CNIH3: variants seen among roughly 807,000 people sequenced by gnomAD.
The protein encoded by CNIH3 is cornichon family AMPA receptor auxiliary protein 3.
A neutral mutation model predicts 24.1 loss-of-function variants in CNIH3; 14 were observed. That is an observed-to-expected ratio of 0.58 (90% CI 0.38 to 0.91). The LOEUF is 0.91. Among genes scored for constraint, CNIH3 ranks in the 40% least tolerant of loss-of-function variants. The pLI is 0.00. For synonymous variants in CNIH3, 68 were observed against 73.8 expected, an observed-to-expected ratio of 0.92 and a Z score of 0.40; for missense variants, 178 against 196.8, an observed-to-expected ratio of 0.90 and a Z score of 0.57.
chr1:224,579,785 C>A (rs141470350), intron 4 of CNIH3, among the ~76,000 whole-genome samples: 1 of 152,294 alleles, frequency 6.6e-6, no homozygotes, highest in Non-Finnish European at 1.5e-5. Flanking sequence ...TCCTCTCTGG[C>A]CACATGAGCT....
At chr1:224,617,623 A>G (rs1683080357) in intron 1 of CNIH3, among the ~76,000 whole-genome samples, 1 of 152,202 alleles carries the variant, frequency 6.6e-6, no homozygotes, top group Admixed American at 6.5e-5. Flanking sequence ...GCAATTAGTC[A>G]AGTAGCTATA....
At chr1:224,547,284 T>C (rs1022062674) in intron 3 of CNIH3, among the ~76,000 whole-genome samples, 1 of 151,934 alleles carries the variant, frequency 6.6e-6, no homozygotes, top group Non-Finnish European at 1.5e-5. Flanking sequence ...CGAAAGGAGA[T>C]ATTACTCCAA....
intron 4 of CNIH3, among the ~76,000 whole-genome samples, chr1:224,568,287 TCAAACAAA>T (rs1328666920): frequency 4.0e-5 from 6 of 151,812 alleles, no homozygotes; most frequent in African/African-American, 9.7e-5. Flanking sequence ...AGACTCTGTC[TCAAACAAA>T]CAAGCAAACA....
At chr1:224,593,066 C>T (rs552138642), downstream of CNIH3, among the ~76,000 whole-genome samples, 2 of 152,144 alleles carry the variant, frequency 1.3e-5, no homozygotes, top group Non-Finnish European at 2.9e-5. Context: ...GGCCTGAGGA[C>T]TCTCTGAAAT....
At chr1:224,718,555 T>C (rs745343858) in intron 3 of CNIH3, among the ~76,000 whole-genome samples, 18 of 152,148 alleles carry the variant, frequency 1.2e-4, no homozygotes, top group Admixed American at 2.6e-4. Context: ...ATCTAATTTA[T>C]GTTTCAAAAA....
intron 1 of CNIH3, among the ~76,000 whole-genome samples, chr1:224,500,501 A>G (rs1460022962): frequency 1.3e-5 from 2 of 152,042 alleles, no homozygotes; most frequent in African/African-American, 4.8e-5. Flanking sequence ...ACGAAACTCT[A>G]TCTCTACCAA....
At chr1:224,532,602 A>C (rs552420869) in intron 2 of CNIH3, among the ~76,000 whole-genome samples, 1 of 152,366 alleles carries the variant, frequency 6.6e-6, no homozygotes, top group South Asian at 2.1e-4. Flanking sequence ...GACAACCAAC[A>C]GGTATTTATT....
downstream of CNIH3, chr1:224,537,113 T>C (rs1325840437): frequency 1.3e-5 from 2 of 151,994 alleles, no homozygotes; most frequent in African/African-American, 4.8e-5. Flanking sequence ...AAAGATTTTT[T>C]AAAAAGGAAA....
intron 1 of CNIH3, among the ~76,000 whole-genome samples, chr1:224,479,456 C>T (rs1431353722): frequency 3.3e-5 from 5 of 152,122 alleles, no homozygotes; most frequent in African/African-American, 1.2e-4. Context: ...GCCCGGCAGT[C>T]CCCCAAAGTC....
chr1:224,491,874 C>T (rs1355442501), intron 1 of CNIH3, among the ~76,000 whole-genome samples: 1 of 152,168 alleles, frequency 6.6e-6, no homozygotes, highest in Admixed American at 6.6e-5. Flanking sequence ...TCCCAGAGTA[C>T]TGGGATTATA....
chr1:224,720,914 GCTC>G (rs1274473259), intron 3 of CNIH3, among the ~76,000 whole-genome samples: 26 of 152,292 alleles, frequency 1.7e-4, no homozygotes, highest in Non-Finnish European at 2.9e-4. Flanking sequence ...TGAAAGGATG[GCTC>G]TGAGTGTCCC....
chr1:224,713,881 T>A lies in CNIH3; in HGVS notation c.199-16581T>A, dbSNP rs552288542. On this transcript the variant is annotated intron_variant, in intron 3 of 5. Transcript: ENST00000272133. ...CTTAGGCTGGAATGCAGTGGCATAA[T>A]CACAGCTCACTGCAGCCTCATCTTT... Among the ~76,000 whole-genome samples, 20 of 152,304 alleles carry A rather than the reference T, an allele frequency of 1.3e-4. 1 individual carries two copies. In the South Asian group the frequency reaches 4.2e-3, roughly 32 times the overall value.
intron 2 of CNIH3, among the ~76,000 whole-genome samples, chr1:224,530,640 G>C (rs1332056022): frequency 6.7e-6 from 1 of 149,696 alleles, no homozygotes; most frequent in Non-Finnish European, 1.5e-5. Context: ...TTGCTCTGTC[G>C]CCAGACTGGA....
chr1:224,690,950 C>T (rs992009357), intron 3 of CNIH3, among the ~76,000 whole-genome samples: 5 of 152,128 alleles, frequency 3.3e-5, no homozygotes, highest in African/African-American at 4.8e-5. Context: ...CTCTGTCTTA[C>T]GGAGGAGTTA....
downstream of CNIH3, among the ~76,000 whole-genome samples, chr1:224,540,737 A>G (rs1410536651): frequency 1.3e-5 from 2 of 152,182 alleles, no homozygotes; most frequent in African/African-American, 4.8e-5. Context: ...GCTTACCAAA[A>G]CCAATTAAGT....
chr1:224,691,191 G>T (rs1686914567), intron 3 of CNIH3, among the ~76,000 whole-genome samples: 1 of 152,214 alleles, frequency 6.6e-6, no homozygotes, highest in Non-Finnish European at 1.5e-5. Context: ...GCAATGTGAG[G>T]CTCCATGTCA....
At chr1:224,601,458 G>C (rs1220629478) in intron 3 of CNIH3, among the ~76,000 whole-genome samples, 3 of 152,218 alleles carry the variant, frequency 2.0e-5, no homozygotes, top group African/African-American at 7.2e-5. Flanking sequence ...TCGGGAAGCT[G>C]TTGATTGCAC....
chr1:224,600,945 C>T (rs2125041093), intron 3 of CNIH3, among the ~76,000 whole-genome samples: 1 of 152,352 alleles, frequency 6.6e-6, no homozygotes, highest in African/African-American at 2.4e-5. Context: ...GCTAGTGTTA[C>T]AGGCAGCGAA....
At chr1:224,528,343 C>T (rs916551014) in intron 2 of CNIH3, among the ~76,000 whole-genome samples, 3 of 152,066 alleles carry the variant, frequency 2.0e-5, no homozygotes, top group African/African-American at 4.8e-5. Context: ...TTTTAAGAGA[C>T]AAGATCTTAT....
Sources: gnomAD v4.1 joint callset for allele counts (sites outside exome capture counted in the v4.1 genomes callset) on GRCh38, gnomAD v4.1.1 for gene constraint, MANE v1.5 for transcripts, NCBI Gene and HGNC (gene_info 2026-07-23, HGNC 2026-07-21) for gene names.